Variants in RFX7 observed in about 807,000 individuals in gnomAD.
RFX7 encodes DNA-binding protein RFX7.
Under a neutral mutation model 111.8 loss-of-function variants are expected in RFX7, and 26 were observed. That is an observed-to-expected ratio of 0.23 (90% CI 0.17 to 0.32). The LOEUF (loss-of-function observed/expected upper bound fraction) is 0.32, where lower values mean the gene tolerates loss of function less well. RFX7 is among the 10% of genes least tolerant of loss of function. RFX7 has a pLI of 1.00. For missense variants in RFX7, 1,573 were observed against 1,772.9 expected, an observed-to-expected ratio of 0.89 and a Z score of 2.02; for synonymous variants, 624 against 624.4, an observed-to-expected ratio of 1.00 and a Z score of 0.01.
intron 5 of RFX7, among the ~76,000 whole-genome samples, chr15:56,132,736 A>G (rs1168231854): frequency 6.6e-6 from 1 of 152,146 alleles, no homozygotes; most frequent in African/African-American, 2.4e-5. Context: ...AATCTTGAAA[A>G]ACATTTATGT....
intron 3 of RFX7, among the ~76,000 whole-genome samples, chr15:56,174,286 A>T (rs1291680928): frequency 6.6e-6 from 1 of 152,126 alleles, no homozygotes. Context: ...CTCAAAAAAA[A>T]CCCAAAAAGT....
rs397814455 is a variant in RFX7 at position 56,181,828 on chromosome 15, G to GA, written c.162-2526_162-2525insT. ...GTAAATGATAGCCTTTTAAAGCAGG[G>GA]TCCCCAACTCTCATCCCTGTTAGGA... On this transcript the variant is annotated intron_variant, in intron 2 of 9. Transcript: ENST00000559447. Among the ~76,000 whole-genome samples, 4 of 151,180 alleles carry GA rather than the reference G, an allele frequency of 2.6e-5. No individual in the cohort carries two copies. The East Asian group carries it at 5.8e-4, about 22-fold the overall frequency.
chr15:56,206,383 C>T (rs184328280), intron 2 of RFX7, among the ~76,000 whole-genome samples: 58 of 152,172 alleles, frequency 3.8e-4, no homozygotes, highest in African/African-American at 1.1e-3. Flanking sequence ...AAAAGAGAAA[C>T]CACATACACT....
In RFX7 at chr15:56,091,410, G is replaced by A. The variant is rs2041594305; in HGVS notation, c.*1935C>T. 6.6e-6 allele frequency: 1 copy of A among 152,480 alleles called. No individual in the cohort carries two copies. Among genetic ancestry groups the A allele is most frequent in the African/African-American group, 2.4e-5 (1 of 41,436 alleles). 9.4% of individuals were successfully genotyped at this position (152,480 alleles called of 1,614,324 possible). The stretch of plus-strand genomic sequence containing the variant: ...CTGGACGAATTCAACCAAATTTAAA[G>A]AGTTTGCTGCAATACTGTACAAGGG... On this transcript the variant is annotated 3_prime_UTR_variant, in exon 10 of 10. Coordinates refer to ENST00000559447, the MANE Select transcript of RFX7 (RefSeq NM_022841.7).
At chr15:56,169,470 T>C (rs2042818501) in intron 3 of RFX7, among the ~76,000 whole-genome samples, 1 of 152,234 alleles carries the variant, frequency 6.6e-6, no homozygotes, top group South Asian at 2.1e-4. Context: ...CACCTTCAAC[T>C]AAAGCTGCCA....
chr15:56,105,724 C>T (rs537368355), intron 5 of RFX7, among the ~76,000 whole-genome samples: 20 of 151,902 alleles, frequency 1.3e-4, no homozygotes, highest in South Asian at 2.1e-4. Context: ...TAAGTATCAT[C>T]GACCTAAAGA....
intron 2 of RFX7, among the ~76,000 whole-genome samples, chr15:56,215,992 A>C (rs1336371328): frequency 1.1e-4 from 16 of 152,170 alleles, no homozygotes; most frequent in Admixed American, 4.6e-4. Context: ...CTTCTGCCAG[A>C]ACAAACAATT....
chr15:56,162,756 C>T (rs887067723), intron 3 of RFX7, among the ~76,000 whole-genome samples: 18 of 152,018 alleles, frequency 1.2e-4, no homozygotes, highest in Admixed American at 9.8e-4. Context: ...CTTTAAATGG[C>T]ATGGCCTTAT....
chr15:56,094,846 G>C lies in RFX7; in HGVS notation c.2882C>G (p.Thr961Ser). The change falls in exon 10 of 10, where the codon ACC becomes AGC. Residue 961 changes from threonine (T) to serine (S), a missense_variant. Around this residue, in one of 7 missense-constraint regions of RFX7, gnomAD observed 625 missense variants for 632.2 expected, o/e 0.99. Coordinates refer to ENST00000559447, the MANE Select transcript of RFX7 (RefSeq NM_022841.7). ...TPTPTPTPTPTPTPTSEMIAG... is the reference protein window; with the variant it reads ...TPTPTPTPTPSPTPTSEMIAG... ...AATCATTTCAGATGTCGGGGTTGGG[G>C]TTGGGGTTGGAGTAGGAGTGGGTGT... is the stretch of plus-strand genomic sequence containing the variant. 6.4e-7 allele frequency: 1 copy of C among 1,557,214 alleles called. No homozygotes were observed. Among genetic ancestry groups the C allele is most frequent in the Non-Finnish European group, 8.7e-7 (1 of 1,150,826 alleles).
intron 5 of RFX7, among the ~76,000 whole-genome samples, chr15:56,131,334 A>AC (rs1449650096): frequency 0.098 from 292 of 2,992 alleles, 1 homozygote; most frequent in Admixed American, 0.11. Context: ...GTTGGAGTGC[A>AC]TTGGCTTACT....
At chr15:56,185,967 C>T (rs2043033810) in intron 2 of RFX7, among the ~76,000 whole-genome samples, 1 of 152,172 alleles carries the variant, frequency 6.6e-6, no homozygotes, top group Non-Finnish European at 1.5e-5. Context: ...GAAGCAGTTT[C>T]ACATTTGTCT....
At chr15:56,106,609 C>T (rs757112572) in intron 5 of RFX7, among the ~76,000 whole-genome samples, 5 of 152,164 alleles carry the variant, frequency 3.3e-5, no homozygotes, top group South Asian at 2.1e-4. Context: ...TACCTCAACA[C>T]GAACCCTTCT....
intron 6 of RFX7, 133 bp downstream of exon 6, chr15:56,103,421 C>A: frequency 1.7e-6 from 1 of 578,630 alleles, no homozygotes; most frequent in South Asian, 2.5e-5. Context: ...TGCAATTATT[C>A]TACTTAAGCT....
intron 2 of RFX7, among the ~76,000 whole-genome samples, chr15:56,200,776 C>T (rs1053835723): frequency 2.0e-5 from 3 of 151,670 alleles, no homozygotes; most frequent in Non-Finnish European, 4.4e-5. Context: ...TCCAGCCTGG[C>T]AAGCCTCGCC....
intron 2 of RFX7, among the ~76,000 whole-genome samples, chr15:56,201,653 G>C (rs1018351942): frequency 6.6e-6 from 1 of 152,182 alleles, no homozygotes; most frequent in East Asian, 1.9e-4. Context: ...ATAATTCTAT[G>C]TAGGAATGTC....
intron 5 of RFX7, among the ~76,000 whole-genome samples, chr15:56,138,940 G>T (rs1282605738): frequency 1.3e-5 from 2 of 152,030 alleles, no homozygotes; most frequent in Non-Finnish European, 2.9e-5. Context: ...GTTGAATATT[G>T]GCCCCCACTC....
In RFX7 at chr15:56,243,167, G is replaced by T; in HGVS notation, c.119C>A (p.Thr40Lys). ...LPALVPGLPGTEASALQHKIK... is the reference protein window; with the variant it reads ...LPALVPGLPGKEASALQHKIK... ...CTTGTGTTGCAGCGCGCTGGCCTCT[G>T]TCCCTGGCAGCCCGGGCACAAGGGC... is the stretch of plus-strand genomic sequence containing the variant. Residue 40 changes from threonine (T) to lysine (K), a missense_variant, in exon 2 of 10, where the codon ACA becomes AAA. This residue lies in a region of RFX7 where 191 missense variants were observed against 194.2 expected (regional missense o/e 0.98). Transcript: ENST00000559447. 1 of 1,358,584 alleles carries T rather than the reference G, an allele frequency of 7.4e-7. No homozygotes were observed. 84.2% of individuals were successfully genotyped at this position (1,358,584 alleles called of 1,614,324 possible).
intron 2 of RFX7, among the ~76,000 whole-genome samples, chr15:56,212,171 A>G (rs1327997519): frequency 6.6e-6 from 1 of 152,206 alleles, no homozygotes; most frequent in African/African-American, 2.4e-5. Context: ...ATTCAGTGCT[A>G]AAAAGAAATT....
intron 5 of RFX7, among the ~76,000 whole-genome samples, chr15:56,114,786 A>AAAAG (rs1461181715): frequency 7.9e-5 from 12 of 152,102 alleles, no homozygotes. Context: ...AATCCTACAA[A>AAAAG]AAAGATTCAG....
Sources: gnomAD v4.1 joint callset for allele counts (sites outside exome capture counted in the v4.1 genomes callset) on GRCh38, gnomAD v4.1.1 for gene constraint, gnomAD v4.1.1 regional missense constraint, MANE v1.5 for transcripts, NCBI Gene and HGNC (gene_info 2026-07-23, HGNC 2026-07-21) for gene names.